The following CKAP5 variants were observed in gnomAD, a reference collection of about 807,000 sequenced individuals.
The protein encoded by CKAP5 is cytoskeleton associated protein 5, also known as cytoskeleton-associated protein 5.
In CKAP5, 27 loss-of-function variants were observed where a neutral mutation model predicts 232.8. The ratio of observed to expected loss-of-function variants is 0.12; its 90% CI spans 0.09 to 0.16. CKAP5 has a LOEUF of 0.16. Among genes scored for constraint, CKAP5 ranks in the 10% least tolerant of loss-of-function variants. The pLI is 1.00. For missense variants in CKAP5, 1,838 were observed against 2,424.7 expected (o/e 0.76, Z 5.08); for synonymous variants, 785 against 841.1 (o/e 0.93, Z 1.16).
In CKAP5 at chr11:46,811,032, G is replaced by A; in HGVS notation, c.605C>T (p.Pro202Leu). Residue 202 changes from proline (P) to leucine (L), a missense_variant, in exon 5 of 44, where the codon CCA (proline) becomes CTA (leucine). Physicochemically the swap from Pro to Leu is moderately conservative, Grantham distance 98. Coordinates refer to ENST00000529230, the MANE Select transcript of CKAP5 (RefSeq NM_001008938.4). ...YRWIRDALRP[P>L]LQNINSVQLK... ...CTGAACAGAGTTTATATTTTGTAAT[G>A]GGGGTCTCAGAGCATCCCGAATCCA... 1 of 1,612,980 alleles carries A rather than the reference G, an allele frequency of 6.2e-7. No individual in the cohort carries two copies. The highest frequency in any genetic ancestry group is 8.5e-7 in the Non-Finnish European group (1 of 1,179,620).
rs750244859 is a variant in CKAP5, at chr11:46,744,156, C to T, written c.5966G>A (p.Arg1989Gln). ...HSKLSQLRES[R>Q]EQHQHSDLDS... ...CAGGTCTGAATGCTGGTGCTGCTCC[C>T]GTGACTCCCGGAGCTGAGAGAGTTT... Residue 1989 changes from arginine to glutamine, a missense_variant, in exon 44 of 44, where the codon CGG becomes CAG. Arg to Gln is a conservative substitution (Grantham distance 43). Transcript: ENST00000529230. 2 of 1,614,034 alleles carry T rather than the reference C, an allele frequency of 1.2e-6. No individual in the cohort carries two copies. The highest frequency in any genetic ancestry group is 1.7e-6 in the Non-Finnish European group (2 of 1,180,018).
At chr11:46,826,909 T>A (rs1419335488) in intron 1 of CKAP5, 2 of 153,406 alleles carry the variant, frequency 1.3e-5, no homozygotes, top group Non-Finnish European at 2.9e-5. Context: ...GGAGCGCCAC[T>A]GTCAGAGTGC....
At chr11:46,789,003 A>C (rs1294508190) in intron 15 of CKAP5, among the ~76,000 whole-genome samples, 1 of 152,232 alleles carries the variant, frequency 6.6e-6, no homozygotes, top group Non-Finnish European at 1.5e-5. Context: ...TGGCTGTTAA[A>C]TTAGTATCAC....
Position 46,803,597 on chromosome 11 carries a change from T to C in CKAP5, c.979-2293A>G, listed in dbSNP as rs2134661343. Reference sequence around the variant, plus strand: ...TCTAAAAATTAAATAAAGATTAATGTGCTTACAGTCAGGTAGTTAGCAAAT... The same window carrying C: ...TCTAAAAATTAAATAAAGATTAATGCGCTTACAGTCAGGTAGTTAGCAAAT... On this transcript the variant is annotated intron_variant, in intron 8 of 43. Coordinates refer to ENST00000529230, the MANE Select transcript of CKAP5 (RefSeq NM_001008938.4). 1.3e-5 allele frequency among the ~76,000 whole-genome samples: 2 copies of C among 152,288 alleles called. 1 individual carries two copies. Among genetic ancestry groups the C allele is most frequent in the South Asian group, 4.1e-4 (2 of 4,832 alleles).
intron 13 of CKAP5, among the ~76,000 whole-genome samples, chr11:46,794,991 CACA>C (rs1019816260): frequency 9.2e-5 from 14 of 152,168 alleles, no homozygotes; most frequent in Admixed American, 8.5e-4. Flanking sequence ...GGTGATGCTG[CACA>C]ACATTATAAA....
chr11:46,839,912 G>C (rs1037995718), intron 1 of CKAP5, among the ~76,000 whole-genome samples: 3 of 152,108 alleles, frequency 2.0e-5, no homozygotes, highest in African/African-American at 7.2e-5. Context: ...GGTAAGGAGG[G>C]CAGATTGCTT....
At chr11:46,767,689 C>A in intron 26 of CKAP5, 26 bp from the exon 27 acceptor site, 1 of 1,400,728 alleles carries the variant, frequency 7.1e-7, no homozygotes, top group South Asian at 1.2e-5. Flanking sequence ...TATATATATA[C>A]TATAAACTTT....
At position 46,760,510 on chromosome 11, in the gene CKAP5, A is replaced by T. The variant is rs1034566944; in HGVS notation, c.4394+102T>A. On this transcript the variant is annotated intron_variant, in intron 33 of 43. Transcript: ENST00000529230. ...TTACCCAGACACTCTGTCATGCATG[A>T]TAATGGCTACAAGAACTCAAGATTA... 1.5e-5 allele frequency: 17 copies of T among 1,116,490 alleles called. No homozygotes were observed. The East Asian group carries it at 4.1e-4, about 27-fold the overall frequency. The allele number at this position is 1,116,490 out of a possible 1,614,324, so 69.2% of individuals were successfully genotyped here. A position where few individuals can be genotyped will look rare whatever the true frequency, so the allele number is the denominator to read the frequency against.
intron 9 of CKAP5, among the ~76,000 whole-genome samples, chr11:46,800,090 TAA>T (rs1298888082): frequency 1.3e-5 from 2 of 152,078 alleles, no homozygotes; most frequent in African/African-American, 4.8e-5. Context: ...ATTCCCAATA[TAA>T]AAGTGTAAAA....
chr11:46,750,135 G>A, intron 42 of CKAP5, 139 bp downstream of exon 42: 3 of 743,740 alleles, frequency 4.0e-6, no homozygotes, highest in Non-Finnish European at 6.7e-6. Flanking sequence ...TTGACCACTG[G>A]ATATAGCAAT....
At chr11:46,752,191 T>TATATATATATATATAC (rs1555160680) in intron 38 of CKAP5, among the ~76,000 whole-genome samples, 1 of 73,166 alleles carries the variant, frequency 1.4e-5, no homozygotes, top group African/African-American at 4.5e-5. Context: ...TATATATATA[T>TATATATATATATATAC]ATACACACAC....
At position 46,762,994 on chromosome 11, in the gene CKAP5, G is replaced by A. The variant is rs2065168778; in HGVS notation, c.3873C>T (p.Ile1291=). Residue 1291 remains isoleucine (I), a synonymous_variant, in exon 30 of 44, where the codon ATC becomes ATT. Coordinates refer to ENST00000529230, the MANE Select transcript of CKAP5 (RefSeq NM_001008938.4). ...HLTENEASSF[I]PYLVVKVGEP... Reference sequence around the variant, plus strand: ...ACATTACCTTGACGACAAGATAGGGGATGAAGGAAGATGCTTCATTCTCAG... The same window carrying A: ...ACATTACCTTGACGACAAGATAGGGAATGAAGGAAGATGCTTCATTCTCAG... 6.2e-7 allele frequency: 1 copy of A among 1,613,202 alleles called. No homozygotes were observed. The highest frequency in any genetic ancestry group is 1.1e-5 in the South Asian group (1 of 91,052).
chr11:46,823,385 G>A (rs534558661), intron 1 of CKAP5, among the ~76,000 whole-genome samples: 1 of 152,022 alleles, frequency 6.6e-6, no homozygotes, highest in Non-Finnish European at 1.5e-5. Context: ...ACTAAAGTAC[G>A]TATCCAGTTT....
At chr11:46,788,184 A>C (rs2065414367) in intron 16 of CKAP5, among the ~76,000 whole-genome samples, 1 of 152,218 alleles carries the variant, frequency 6.6e-6, no homozygotes, top group African/African-American at 2.4e-5. Flanking sequence ...GTGAAGTTTC[A>C]ACTGCACAAG....
At chr11:46,809,992 G>A (rs1349827688) in intron 5 of CKAP5, 118 bp from the exon 6 acceptor site, 7 of 1,000,672 alleles carry the variant, frequency 7.0e-6, no homozygotes, top group African/African-American at 6.7e-5. Context: ...TTTTATTGGA[G>A]ACAGAGTCTT....
chr11:46,750,014 C>T (rs1238820560), intron 42 of CKAP5, among the ~76,000 whole-genome samples: 1 of 151,182 alleles, frequency 6.6e-6, no homozygotes, highest in African/African-American at 2.4e-5. Flanking sequence ...TGGAGGAAAA[C>T]AAGACAGCAT....
intron 8 of CKAP5, among the ~76,000 whole-genome samples, chr11:46,805,279 T>C (rs1939128404): frequency 6.6e-6 from 1 of 151,990 alleles, no homozygotes; most frequent in Non-Finnish European, 1.5e-5. Context: ...AAAAGAACTA[T>C]AATCTGTGAG....
At chr11:46,825,631 C>T (rs903021007) in intron 1 of CKAP5, among the ~76,000 whole-genome samples, 5 of 152,048 alleles carry the variant, frequency 3.3e-5, no homozygotes, top group African/African-American at 1.2e-4. Flanking sequence ...TGGACTCTCA[C>T]CTCTGGCTAA....
intron 16 of CKAP5, among the ~76,000 whole-genome samples, chr11:46,788,301 G>A (rs1025020815): frequency 1.1e-4 from 16 of 152,224 alleles, no homozygotes; most frequent in African/African-American, 3.6e-4. Flanking sequence ...CAAGCTGGGC[G>A]CGGTGGCTCA....
Sources: gnomAD v4.1 joint callset for allele counts (sites outside exome capture counted in the v4.1 genomes callset) on GRCh38, gnomAD v4.1.1 for gene constraint, MANE v1.5 for transcripts, NCBI Gene and HGNC (gene_info 2026-07-23, HGNC 2026-07-21) for gene names.